ITPR1: variants seen among roughly 807,000 people sequenced by gnomAD.
ITPR1 encodes the protein inositol 1,4,5-trisphosphate receptor type 1.
ITPR1 carries 96 observed loss-of-function variants against 318.4 expected under a neutral mutation model. The observed-to-expected ratio is 0.30, with a 90% CI of 0.26 to 0.36. The LOEUF is 0.36. Among genes scored for constraint, ITPR1 ranks in the 10% least tolerant of loss-of-function variants. The pLI, the probability that ITPR1 is intolerant of heterozygous loss-of-function variation, is 1.00. For synonymous variants in ITPR1, 1,312 were observed against 1,289.9 expected (o/e 1.02, Z -0.37); for missense variants, 2,440 against 3,460.2 (o/e 0.71, Z 7.40).
intron 43 of ITPR1, among the ~76,000 whole-genome samples, chr3:4,734,277 T>C (rs767339347): frequency 2.6e-5 from 4 of 152,242 alleles, no homozygotes; most frequent in Non-Finnish European, 5.9e-5. Context: ...TTAACAATTA[T>C]GTGAAGCCCT....
intron 4 of ITPR1, among the ~76,000 whole-genome samples, chr3:4,575,288 A>G (rs2088514932): frequency 6.6e-6 from 1 of 152,210 alleles, no homozygotes; most frequent in Non-Finnish European, 1.5e-5. Context: ...ACCAGAGAGA[A>G]GGTTTAAATG....
At chr3:4,585,459 C>CA (rs1312664975) in intron 4 of ITPR1, among the ~76,000 whole-genome samples, 1 of 151,980 alleles carries the variant, frequency 6.6e-6, no homozygotes, top group African/African-American at 2.4e-5. Flanking sequence ...TATTTTGAGA[C>CA]AGAGTCTCAC....
intron 56 of ITPR1, among the ~76,000 whole-genome samples, chr3:4,812,023 A>G (rs549811911): frequency 1.3e-5 from 2 of 149,042 alleles, no homozygotes; most frequent in African/African-American, 4.9e-5. Flanking sequence ...TAACTATAGT[A>G]GGATCACATG....
chr3:4,703,486 T>A (rs1386492297), intron 36 of ITPR1, among the ~76,000 whole-genome samples: 1 of 152,156 alleles, frequency 6.6e-6, no homozygotes, highest in African/African-American at 2.4e-5. Context: ...AATTTCTTTT[T>A]CCTTCATCCT....
chr3:4,532,807 G>A (rs999903237), intron 4 of ITPR1, among the ~76,000 whole-genome samples: 1 of 152,246 alleles, frequency 6.6e-6, no homozygotes, highest in South Asian at 2.1e-4. Context: ...ATGAGGGCTA[G>A]TGGATCAAAG....
In ITPR1 at chr3:4,813,182, T is replaced by C. The variant is rs79720149; in HGVS notation, c.7509T>C (p.Asp2503=). 557 of 1,613,998 alleles carry C rather than the reference T, an allele frequency of 3.5e-4. 3 individuals carry two copies. In the African/African-American group the frequency reaches 6.7e-3, roughly 19 times the overall value. The change falls in exon 57 of 62, where the codon GAT becomes GAC. Residue 2503 remains aspartate (D), a synonymous_variant. Transcript: ENST00000649015. ...TGGCAAGCGAGTTCCTGTTCTCCGA[T>C]GTGTGTAGGGTGGAGAGTGGGGAGA... ...ESLASEFLFS[D]VCRVESGENC...
Position 4,795,969 on chromosome 3 carries a change from C to T in ITPR1, c.6931+782C>T, listed in dbSNP as rs532524289. Among the ~76,000 whole-genome samples the T allele has an allele frequency of 2.0e-5, 3 of 152,266 alleles. No homozygotes were observed. In the South Asian group the frequency reaches 6.2e-4, roughly 32 times the overall value. ...CTCCCGGCTAAATTTTTCATCAGAGCTTTTTGGCAGATCACCTCACATACG... is the reference window on the plus strand; with the variant it reads ...CTCCCGGCTAAATTTTTCATCAGAGTTTTTTGGCAGATCACCTCACATACG... On this transcript the variant is annotated intron_variant, in intron 53 of 61. Transcript: ENST00000649015.
chr3:4,599,319 C>G (rs578089514), intron 4 of ITPR1, among the ~76,000 whole-genome samples: 1 of 152,172 alleles, frequency 6.6e-6, no homozygotes, highest in Non-Finnish European at 1.5e-5. Context: ...CTCCTGCTCA[C>G]GCTTGTTTTT....
At chr3:4,619,207 A>G (rs1451704159) in intron 4 of ITPR1, among the ~76,000 whole-genome samples, 1 of 151,948 alleles carries the variant, frequency 6.6e-6, no homozygotes, top group Non-Finnish European at 1.5e-5. Context: ...TCCTTGTCCC[A>G]TTAGTCTGAA....
rs766235391 is a variant in ITPR1 at position 4,669,793 on chromosome 3, T to A, written c.2006+20T>A. 20 of 1,596,212 alleles carry A rather than the reference T, an allele frequency of 1.3e-5. No homozygotes were observed. In the Admixed American group the frequency reaches 2.9e-4, roughly 23 times the overall value. ...GACCAAGTGAGTGGGGAGCCAGGGT[T>A]TAGATGGAAAACATGGGGTTCATTC... On this transcript the variant is annotated intron_variant, in intron 19 of 61. Coordinates refer to ENST00000649015, the MANE Select transcript of ITPR1 (RefSeq NM_001378452.1).
rs1559687929 is a variant in ITPR1 at position 4,683,763 on chromosome 3, G to T, written c.3463G>T (p.Gly1155Cys). 6.2e-7 allele frequency: 1 copy of T among 1,613,972 alleles called. No homozygotes were observed. The highest frequency in any genetic ancestry group is 8.5e-7 in the Non-Finnish European group (1 of 1,179,850). Residue 1155 changes from glycine to cysteine, a missense_variant, in exon 28 of 62, where the codon GGT (glycine) becomes TGT (cysteine). This residue lies in a region of ITPR1 where 86 missense variants were observed against 75.6 expected (regional missense o/e 1.14). Coordinates refer to ENST00000649015, the MANE Select transcript of ITPR1 (RefSeq NM_001378452.1). ...KGQGPDETMD[G>C]ASGENEHKKT... is the part of the protein sequence containing the mutation. Reference sequence around the variant, plus strand: ...GCAGGGCCCCGATGAGACTATGGATGGTGCATCTGGAGAAAATGAACATAA... The same window carrying T: ...GCAGGGCCCCGATGAGACTATGGATTGTGCATCTGGAGAAAATGAACATAA...
chr3:4,788,956 G>A (rs1029429389), intron 52 of ITPR1, among the ~76,000 whole-genome samples: 6 of 152,222 alleles, frequency 3.9e-5, no homozygotes, highest in African/African-American at 1.4e-4. Flanking sequence ...CAGTTTCCCA[G>A]AGCTTTCGTC....
At chr3:4,837,981 C>T (rs1372634302) in intron 61 of ITPR1, among the ~76,000 whole-genome samples, 3 of 152,286 alleles carry the variant, frequency 2.0e-5, no homozygotes, top group East Asian at 3.9e-4. Context: ...TTGCAAGGTA[C>T]ACCCACGGGT....
chr3:4,728,654 C>G (rs1461413160), intron 42 of ITPR1, among the ~76,000 whole-genome samples: 1 of 152,152 alleles, frequency 6.6e-6, no homozygotes, highest in East Asian at 1.9e-4. Context: ...TGACTGTAGT[C>G]ACCCTATTGT....
chr3:4,562,949 C>A (rs1173175459), intron 4 of ITPR1, among the ~76,000 whole-genome samples: 1 of 55,916 alleles, frequency 1.8e-5, no homozygotes, highest in Admixed American at 2.7e-4. Context: ...TGCAGCATGA[C>A]TGGGGGTGGG....
At chr3:4,769,618 T>C (rs1275093212) in intron 46 of ITPR1, among the ~76,000 whole-genome samples, 5 of 152,176 alleles carry the variant, frequency 3.3e-5, no homozygotes, top group Non-Finnish European at 7.3e-5. Context: ...TGGGCAAGGT[T>C]TGTTAGGCAC....
At chr3:4,674,455 G>C (rs1380952309) in intron 22 of ITPR1, 112 bp downstream of exon 22, 2 of 842,972 alleles carry the variant, frequency 2.4e-6, no homozygotes. Flanking sequence ...TGATGCTCTG[G>C]TTTTGTAATG....
chr3:4,673,433 C>T (rs759408005), intron 21 of ITPR1, 46 bp downstream of exon 21: 4 of 1,537,078 alleles, frequency 2.6e-6, no homozygotes, highest in Non-Finnish European at 3.5e-6. Context: ...TTCTGTGCGG[C>T]AGTAGATAGC....
chr3:4,591,038 T>C (rs2090356993), intron 4 of ITPR1, among the ~76,000 whole-genome samples: 1 of 152,198 alleles, frequency 6.6e-6, no homozygotes, highest in Non-Finnish European at 1.5e-5. Context: ...CCATTCGTGT[T>C]CCCGCAAAAG....
Sources: allele counts gnomAD v4.1 joint callset (sites outside exome capture counted in the v4.1 genomes callset), GRCh38; gene constraint gnomAD v4.1.1; regional missense constraint gnomAD v4.1.1; transcripts MANE v1.5; gene names NCBI Gene and HGNC (gene_info 2026-07-23, HGNC 2026-07-21).